The following ABCA4 variants were observed in gnomAD, a reference collection of about 807,000 sequenced individuals.
ABCA4 encodes the protein ATP binding cassette subfamily A member 4, also known as retinal-specific phospholipid-transporting ATPase ABCA4.
In ABCA4, 196 loss-of-function variants were observed where a neutral mutation model predicts 263.7. That is an observed-to-expected ratio of 0.74 (90% CI 0.66 to 0.84). The LOEUF (loss-of-function observed/expected upper bound fraction) is 0.84, where lower values mean the gene tolerates loss of function less well. ABCA4 is among the 40% of genes least tolerant of loss of function. The pLI is 0.00. For synonymous variants in ABCA4, 1,133 were observed against 1,094.2 expected (o/e 1.04, Z -0.70); for missense variants, 2,792 against 2,855.1 (o/e 0.98, Z 0.50).
chr1:94,007,257 C>T (rs1004740941), intron 43 of ABCA4, among the ~76,000 whole-genome samples: 2 of 152,022 alleles, frequency 1.3e-5, no homozygotes, highest in African/African-American at 2.4e-5. Flanking sequence ...CTCCCTGAAA[C>T]GTTTTGTAAA....
In ABCA4 at chr1:94,037,536, C is replaced by A. The variant is rs534337962; in HGVS notation, c.3608-186G>T. 5.9e-5 allele frequency among the ~76,000 whole-genome samples: 9 copies of A among 152,048 alleles called. 1 individual carries two copies. In the South Asian group the frequency reaches 1.9e-3, roughly 32 times the overall value. On this transcript the variant is annotated intron_variant, in intron 24 of 49. Transcript: ENST00000370225. ...CTTTTAGCTTAGTTGGCCCTGAGAT[C>A]ATCATTGAGAGGCAGAGGGAAACGG...
In ABCA4 at chr1:94,011,311, G is replaced by A. The variant is rs1476082990; in HGVS notation, c.5535C>T (p.Leu1845=). 1 of 1,614,090 alleles carries A rather than the reference G, an allele frequency of 6.2e-7. No homozygotes were observed. The highest frequency in any genetic ancestry group is 2.2e-5 in the East Asian group (1 of 44,832). Residue 1845 remains leucine, a synonymous_variant, in exon 39 of 50, where the codon CTC becomes CTT. Coordinates refer to ENST00000370225, the MANE Select transcript of ABCA4 (RefSeq NM_000350.3). ...VFPHFCLGRG[L]IDLALSQAVT... is the part of the protein sequence containing the mutation. ...CAGCCTGGCTCAGTGCAAGGTCAAT[G>A]AGGCCCCGGCCCAGGCAGAAGTGGG...
chr1:94,119,123 A>AT (rs1489618343), intron 1 of ABCA4, among the ~76,000 whole-genome samples: 5 of 152,220 alleles, frequency 3.3e-5, no homozygotes, highest in Admixed American at 1.3e-4. Context: ...CCTGGAGATT[A>AT]TTTTTTGATA....
At chr1:94,049,738 A>G (rs534666905) in intron 17 of ABCA4, among the ~76,000 whole-genome samples, 26 of 152,314 alleles carry the variant, frequency 1.7e-4, no homozygotes, top group African/African-American at 6.3e-4. Flanking sequence ...GCATTTAAGT[A>G]TCTTGGAATT....
Position 94,031,868 on chromosome 1 carries a change from C to G in ABCA4, c.4038G>C (p.Thr1346=). 2.5e-6 allele frequency: 4 copies of G among 1,614,174 alleles called. No individual in the cohort carries two copies. Among genetic ancestry groups the G allele is most frequent in the Non-Finnish European group, 2.5e-6 (3 of 1,180,024 alleles). The part of the protein sequence containing the change: ...EPECPGPQLN[T]GTQLVLQHVQ... ...CATGCTGGAGGACCAGCTGTGTCCC[C>G]GTGTTGAGCTGCGGGCCTGGGCACT... The change falls in exon 27 of 50, where the codon ACG becomes ACC. Residue 1346 remains threonine (T), a synonymous_variant. Transcript: ENST00000370225.
Position 94,103,093 on chromosome 1 carries a change from T to G in ABCA4, c.492A>C (p.Thr164=). 6.2e-7 allele frequency: 1 copy of G among 1,614,112 alleles called. No homozygotes were observed. The highest frequency in any genetic ancestry group is 1.1e-5 in the South Asian group (1 of 91,082). Residue 164 remains threonine (T), a synonymous_variant, in exon 5 of 50, where the codon ACA becomes ACC. Coordinates refer to ENST00000370225, the MANE Select transcript of ABCA4 (RefSeq NM_000350.3). ...RDILKDEETL[T]LFLIKNIGLS... ...GGCCGATGTTTTTAATGAGAAATAG[T>G]GTCAGTGTTTCTTCATCTTTCAAGA...
In ABCA4 at chr1:94,106,966, A is replaced by AC. The variant is rs533906372; in HGVS notation, c.442+1610dup. Among the ~76,000 whole-genome samples, 19 of 151,814 alleles carry AC rather than the reference A, an allele frequency of 1.3e-4. No individual in the cohort carries two copies. In the East Asian group the frequency reaches 3.3e-3, roughly 26 times the overall value. ...TGGCATTTGCCTGACTCATCTCTCC[A>AC]CCCCCAGAGACTAGCCCAGTGCCTG... On this transcript the variant is annotated intron_variant, in intron 4 of 49. Transcript: ENST00000370225.
intron 30 of ABCA4, among the ~76,000 whole-genome samples, chr1:94,029,052 T>C (rs1039628040): frequency 5.3e-5 from 8 of 152,290 alleles, no homozygotes; most frequent in Middle Eastern, 3.4e-3. Context: ...ATATTTGGAA[T>C]ATAATCTGTT....
In ABCA4 at chr1:94,078,693, A is replaced by G. The variant is rs794726979; in HGVS notation, c.1253T>C (p.Phe418Ser). 83 of 1,613,422 alleles carry G rather than the reference A, an allele frequency of 5.1e-5. No homozygotes were observed. The highest frequency in any genetic ancestry group is 7.0e-5 in the Non-Finnish European group (82 of 1,179,522). ...CTTCCTAACGTGTTCCAGTTCTTCA[A>G]AAGTTGAGTTGGCCTAAAACCAGAC... Reference protein sequence around the residue: ...RRILKNANSTFEELEHVRKLV... With the variant: ...RRILKNANSTSEELEHVRKLV... The change falls in exon 10 of 50, where the codon TTT (phenylalanine) becomes TCT (serine). Residue 418 changes from phenylalanine to serine, a missense_variant. Physicochemically the swap from Phe to Ser is radical, Grantham distance 155 (BLOSUM62 -2). Coordinates refer to ENST00000370225, the MANE Select transcript of ABCA4 (RefSeq NM_000350.3).
At chr1:94,042,599 C>A (rs528644650) in intron 22 of ABCA4, among the ~76,000 whole-genome samples, 162 bp downstream of exon 22, 34 of 152,186 alleles carry the variant, frequency 2.2e-4, no homozygotes, top group Non-Finnish European at 4.3e-4. Flanking sequence ...CCTCAGGAGG[C>A]TTTAGCTGGA....
Position 94,057,302 on chromosome 1 carries a change from A to G in ABCA4, c.2161-480T>C, listed in dbSNP as rs978798940. ...TCAACTCTAACATTTTAATGTGCCTAAGTTTCTCTTTTAATAGTATTTATT... is the reference window on the plus strand; with the variant it reads ...TCAACTCTAACATTTTAATGTGCCTGAGTTTCTCTTTTAATAGTATTTATT... On this transcript the variant is annotated intron_variant, in intron 14 of 49. Transcript: ENST00000370225. 1.6e-4 allele frequency among the ~76,000 whole-genome samples: 24 copies of G among 152,300 alleles called. No homozygotes were observed. The East Asian group carries it at 2.7e-3, about 17-fold the overall frequency.
Position 94,070,459 on chromosome 1 carries a change from C to A in ABCA4, c.1555-7142G>T, listed in dbSNP as rs189004296. Among the ~76,000 whole-genome samples the A allele has an allele frequency of 5.1e-4, 77 of 152,298 alleles. No homozygotes were observed. In the East Asian group the frequency reaches 0.014, roughly 27 times the overall value. On this transcript the variant is annotated intron_variant, in intron 11 of 49. Coordinates refer to ENST00000370225, the MANE Select transcript of ABCA4 (RefSeq NM_000350.3). The stretch of plus-strand genomic sequence containing the variant: ...CACTTTGCTTATGCCCTTCCTCCTG[C>A]CTGAAATTGTCTTTCTTCCTTGCTT...
Position 94,062,650 on chromosome 1 carries a change from T to C in ABCA4, c.1864A>G (p.Ser622Gly). The part of the protein sequence containing the change: ...QDMVEQGITR[S>G]QVQAEAPVGI... Reference sequence around the variant, plus strand: ...ACTGGAGCCTCCGCCTGCACCTGGCTCCTTGTGATCCCCTGTTCAACCATG... The same window carrying C: ...ACTGGAGCCTCCGCCTGCACCTGGCCCCTTGTGATCCCCTGTTCAACCATG... The change falls in exon 13 of 50, where the codon AGC becomes GGC. Residue 622 changes from serine to glycine, a missense_variant. By Grantham distance (56) the Ser-to-Gly change is moderately conservative (BLOSUM62 0). Transcript: ENST00000370225. 1.2e-6 allele frequency: 2 copies of C among 1,614,142 alleles called. No individual in the cohort carries two copies. The highest frequency in any genetic ancestry group is 8.5e-7 in the Non-Finnish European group (1 of 1,180,024).
intron 1 of ABCA4, among the ~76,000 whole-genome samples, chr1:94,118,848 A>T (rs1408516761): frequency 6.6e-6 from 1 of 152,238 alleles, no homozygotes; most frequent in Admixed American, 6.5e-5. Context: ...GCATTCTGAA[A>T]ACAGGGTTAT....
At chr1:93,999,875 G>A (rs1659128236) in intron 47 of ABCA4, among the ~76,000 whole-genome samples, 1 of 152,242 alleles carries the variant, frequency 6.6e-6, no homozygotes, top group Non-Finnish European at 1.5e-5. Flanking sequence ...TGCTGACACA[G>A]GTCTGGTGAC....
chr1:94,116,253 T>C (rs907498527), intron 1 of ABCA4, among the ~76,000 whole-genome samples: 10 of 152,076 alleles, frequency 6.6e-5, no homozygotes, highest in African/African-American at 2.4e-4. Context: ...ATCCTTGAAT[T>C]AGGCTGTTTT....
intron 5 of ABCA4, among the ~76,000 whole-genome samples, chr1:94,102,094 C>T (rs192633015): frequency 2.6e-5 from 4 of 152,182 alleles, no homozygotes; most frequent in Admixed American, 6.5e-5. Context: ...CATCACCAGA[C>T]GCGCAAGCCT....
At chr1:94,101,791 C>G (rs1028513791) in intron 5 of ABCA4, among the ~76,000 whole-genome samples, 2 of 152,172 alleles carry the variant, frequency 1.3e-5, no homozygotes, top group Admixed American at 1.3e-4. Context: ...GGCGGGGAGC[C>G]CAGAAGGCCC....
intron 47 of ABCA4, among the ~76,000 whole-genome samples, chr1:93,999,615 TC>T (rs1301475362): frequency 6.6e-6 from 1 of 152,176 alleles, no homozygotes; most frequent in Admixed American, 6.5e-5. Flanking sequence ...CTAGCGGGTG[TC>T]AGTACCCTAT....
Sources: gnomAD v4.1 joint callset for allele counts (sites outside exome capture counted in the v4.1 genomes callset) on GRCh38, gnomAD v4.1.1 for gene constraint, MANE v1.5 for transcripts, NCBI Gene and HGNC (gene_info 2026-07-23, HGNC 2026-07-21) for gene names.